NAV3: variants seen among roughly 807,000 people sequenced by gnomAD.
NAV3 encodes neuron navigator 3, also known as pore membrane and/or filament interacting like protein 1.
Under a neutral mutation model 244.7 loss-of-function variants are expected in NAV3, and 87 were observed. That is an observed-to-expected ratio of 0.36 (90% CI 0.30 to 0.42). The LOEUF (loss-of-function observed/expected upper bound fraction) is 0.42, where lower values mean the gene tolerates loss of function less well. Ranked by LOEUF, NAV3 falls within the 20% of genes least tolerant of loss-of-function variation. NAV3 has a pLI of 1.00. For missense variants in NAV3, 2,663 were observed against 2,893.3 expected (o/e 0.92, Z 1.83); for synonymous variants, 1,126 against 1,042.2 (o/e 1.08, Z -1.55).
At chr12:77,782,454 T>G (rs1050768257) in intron 2 of NAV3, among the ~76,000 whole-genome samples, 1 of 152,138 alleles carries the variant, frequency 6.6e-6, no homozygotes, top group Non-Finnish European at 1.5e-5. Context: ...TAGAAAAGCT[T>G]ATGATTCAAA....
At chr12:77,972,060 A>G (rs1893039284) in intron 5 of NAV3, among the ~76,000 whole-genome samples, 1 of 152,234 alleles carries the variant, frequency 6.6e-6, no homozygotes, top group Non-Finnish European at 1.5e-5. Flanking sequence ...GAGAAAAAAT[A>G]AAACATGGAC....
chr12:77,797,487 T>G (rs574380605), intron 2 of NAV3, among the ~76,000 whole-genome samples: 2 of 151,860 alleles, frequency 1.3e-5, no homozygotes, highest in East Asian at 3.9e-4. Context: ...TTATTTACTC[T>G]TCTTTACCTA....
chr12:78,063,999 A>G (rs1884654534), intron 12 of NAV3, among the ~76,000 whole-genome samples: 1 of 152,166 alleles, frequency 6.6e-6, no homozygotes, highest in Non-Finnish European at 1.5e-5. Context: ...TAATCATTGT[A>G]TTTTAAAAGG....
At chr12:77,621,767 T>C (rs1356691442) in intron 2 of NAV3, among the ~76,000 whole-genome samples, 1 of 151,984 alleles carries the variant, frequency 6.6e-6, no homozygotes, top group Non-Finnish European at 1.5e-5. Flanking sequence ...CATGAGCCAC[T>C]GCACCCGGCC....
At chr12:78,195,330 TTTA>T (rs1409889203) in intron 34 of NAV3, among the ~76,000 whole-genome samples, 5 of 151,938 alleles carry the variant, frequency 3.3e-5, no homozygotes, top group Admixed American at 2.0e-4. Context: ...GGTTTCACTT[TTTA>T]TTCTTTAGAT....
chr12:78,155,514 A>G (rs536722223), intron 22 of NAV3, among the ~76,000 whole-genome samples: 1 of 152,200 alleles, frequency 6.6e-6, no homozygotes, highest in East Asian at 1.9e-4. Context: ...AGAATTATTT[A>G]TATTCCTTTG....
chr12:77,668,065 GA>G (rs1026063742), intron 2 of NAV3, among the ~76,000 whole-genome samples: 3 of 152,202 alleles, frequency 2.0e-5, no homozygotes, highest in Admixed American at 2.0e-4. Context: ...TGGCTCTCAG[GA>G]AGCCCTATTT....
intron 2 of NAV3, among the ~76,000 whole-genome samples, chr12:77,593,388 T>G (rs1870004436): frequency 6.6e-6 from 1 of 151,876 alleles, no homozygotes; most frequent in Non-Finnish European, 1.5e-5. Context: ...GTTCTCTCCC[T>G]GTCTTTCTCT....
intron 5 of NAV3, among the ~76,000 whole-genome samples, chr12:77,976,662 C>CTTTTTTTTTTTTTTTTTTTTTTTTTTT (rs869100684): frequency 1.3e-5 from 1 of 77,400 alleles, no homozygotes; most frequent in African/African-American, 5.0e-5. Flanking sequence ...TTCTTTCTTT[C>CTTTTTTTTTTTTTTTTTTTTTTTTTTT]TTTCTTTTTT....
At chr12:78,174,651 T>G in intron 24 of NAV3, among the ~76,000 whole-genome samples, 1 of 151,930 alleles carries the variant, frequency 6.6e-6, no homozygotes, top group Non-Finnish European at 1.5e-5. Flanking sequence ...AGGGGTACAT[T>G]GGAAGAATTG....
chr12:78,060,459 G>A (rs888113240), intron 12 of NAV3, among the ~76,000 whole-genome samples: 9 of 151,730 alleles, frequency 5.9e-5, no homozygotes, highest in Admixed American at 5.9e-4. Context: ...GTGTGGGTGT[G>A]GGTGTGAAGC....
chr12:77,964,630 G>T (rs2137917496), intron 3 of NAV3, among the ~76,000 whole-genome samples: 1 of 152,176 alleles, frequency 6.6e-6, no homozygotes, highest in East Asian at 1.9e-4. Flanking sequence ...GAAATATGAA[G>T]AAAGGAAAGA....
At chr12:77,907,547 G>A (rs1000863870) in intron 1 of NAV3, among the ~76,000 whole-genome samples, 1 of 152,088 alleles carries the variant, frequency 6.6e-6, no homozygotes, top group African/African-American at 2.4e-5. Context: ...AAAAATGCAT[G>A]AACACTTTTA....
intron 12 of NAV3, among the ~76,000 whole-genome samples, chr12:78,069,302 G>T (rs569245326): frequency 6.6e-6 from 1 of 151,574 alleles, no homozygotes; most frequent in Non-Finnish European, 1.5e-5. Context: ...AAACTAAATC[G>T]TTTTTTATTA....
intron 2 of NAV3, among the ~76,000 whole-genome samples, chr12:77,594,121 A>G (rs1311161024): frequency 6.6e-6 from 1 of 152,164 alleles, no homozygotes; most frequent in Admixed American, 6.5e-5. Context: ...AAACCCTAAT[A>G]AATTTCACAT....
chr12:78,026,563 A>C (rs1170669675), intron 9 of NAV3, among the ~76,000 whole-genome samples: 1 of 152,198 alleles, frequency 6.6e-6, no homozygotes, highest in African/African-American at 2.4e-5. Context: ...GGTGTATATG[A>C]ATCAACTTTT....
intron 1 of NAV3, among the ~76,000 whole-genome samples, chr12:77,912,628 T>G (rs1565914886): frequency 6.7e-6 from 1 of 150,130 alleles, no homozygotes; most frequent in South Asian, 2.2e-4. Context: ...GGGTTTTTTG[T>G]TTGTTTGTTT....
chr12:78,032,750 A>G (rs562241016), intron 9 of NAV3, among the ~76,000 whole-genome samples: 1 of 152,286 alleles, frequency 6.6e-6, no homozygotes, highest in African/African-American at 2.4e-5. Context: ...CTTTGGCTTG[A>G]GTTTTATTCT....
intron 2 of NAV3, among the ~76,000 whole-genome samples, chr12:77,744,948 A>G (rs1868461787): frequency 6.6e-6 from 1 of 152,018 alleles, no homozygotes; most frequent in Non-Finnish European, 1.5e-5. Context: ...AATACATCAT[A>G]AGAGTGTTGT....
Sources: allele counts gnomAD v4.1 joint callset (sites outside exome capture counted in the v4.1 genomes callset), GRCh38; gene constraint gnomAD v4.1.1; transcripts MANE v1.5; gene names NCBI Gene and HGNC (gene_info 2026-07-23, HGNC 2026-07-21).